Variants in PARVB observed in about 807,000 individuals in gnomAD.
PARVB encodes parvin beta.
Under a neutral mutation model 47.0 loss-of-function variants are expected in PARVB, and 46 were observed. The observed-to-expected ratio is 0.98, with a 90% CI of 0.77 to 1.25. PARVB has a LOEUF of 1.25. PARVB is among the 50% of genes most tolerant of loss of function. PARVB has a pLI of 0.00. For synonymous variants in PARVB, 196 were observed against 196.3 expected (o/e 1.00, Z 0.01); for missense variants, 473 against 471.6 (o/e 1.00, Z -0.03).
At chr22:44,122,017 TAACTG>T (rs1205943980) in intron 4 of PARVB, among the ~76,000 whole-genome samples, 1 of 152,378 alleles carries the variant, frequency 6.6e-6, no homozygotes, top group East Asian at 1.9e-4. Flanking sequence ...GTTCAGAACT[TAACTG>T]AATTATTTTC....
intron 1 of PARVB, chr22:44,086,970 T>A: frequency 3.6e-6 from 1 of 275,068 alleles, no homozygotes; most frequent in Non-Finnish European, 5.5e-6. Context: ...GAGGAGCTGG[T>A]GGCGTGAGTT....
intron 1 of PARVB, among the ~76,000 whole-genome samples, chr22:44,050,346 C>T (rs1324539138): frequency 6.7e-6 from 1 of 148,858 alleles, no homozygotes; most frequent in East Asian, 1.9e-4. Context: ...CCCCTTTCGG[C>T]CTTTTTTTTT....
At chr22:44,120,379 TTCTG>T (rs1221627568) in intron 4 of PARVB, among the ~76,000 whole-genome samples, 1 of 152,256 alleles carries the variant, frequency 6.6e-6, no homozygotes, top group African/African-American at 2.4e-5. Flanking sequence ...CTCCGTTCTG[TTCTG>T]TCTTTCTGTC....
At chr22:44,028,130 T>C (rs2050763264) in intron 1 of PARVB, among the ~76,000 whole-genome samples, 2 of 151,882 alleles carry the variant, frequency 1.3e-5, no homozygotes, top group African/African-American at 4.8e-5. Context: ...CGCAAGCTCA[T>C]AGTTTACATT....
intron 6 of PARVB, among the ~76,000 whole-genome samples, chr22:44,135,552 C>T (rs964646570): frequency 7.2e-5 from 11 of 152,164 alleles, no homozygotes; most frequent in African/African-American, 1.7e-4. Context: ...CCACTGTGCC[C>T]GGCCATCATT....
rs1039737475 is a variant in PARVB, at chr22:44,101,225, C to T, written c.273+1102C>T. On this transcript the variant is annotated intron_variant, in intron 3 of 12. Coordinates refer to ENST00000338758, the MANE Select transcript of PARVB (RefSeq NM_013327.5). ...GAGATCGAGACCATCCTGGCTAACACGGTGAAACCCCGTCTCTACTAAAAA... is the reference window on the plus strand; with the variant it reads ...GAGATCGAGACCATCCTGGCTAACATGGTGAAACCCCGTCTCTACTAAAAA... Among the ~76,000 whole-genome samples the T allele has an allele frequency of 7.9e-5, 12 of 151,306 alleles. No homozygotes were observed. In the South Asian group the frequency reaches 1.3e-3, roughly 16 times the overall value.
chr22:44,108,995 TG>T (rs1464061742), intron 3 of PARVB: 1 of 152,208 alleles, frequency 6.6e-6, no homozygotes, highest in Admixed American at 6.5e-5. Context: ...GCATGTCATC[TG>T]GGGGTGCGTC....
intron 1 of PARVB, among the ~76,000 whole-genome samples, chr22:44,078,740 T>C (rs1000398612): frequency 1.3e-5 from 2 of 152,056 alleles, no homozygotes; most frequent in South Asian, 2.1e-4. Context: ...TATTTATTTA[T>C]TTAAGATGGA....
chr22:44,100,021 C>T (rs762234742), intron 2 of PARVB, 32 bp from the exon 3 acceptor site: 42 of 1,595,638 alleles, frequency 2.6e-5, no homozygotes, highest in Admixed American at 6.7e-5. Flanking sequence ...CCCCCACAAT[C>T]GCTGACCGTG....
At chr22:44,121,684 G>A (rs1438707132) in intron 4 of PARVB, among the ~76,000 whole-genome samples, 3 of 152,116 alleles carry the variant, frequency 2.0e-5, no homozygotes, top group Non-Finnish European at 4.4e-5. Context: ...GGCTCCTGGG[G>A]TGTCATTGCT....
intron 2 of PARVB, among the ~76,000 whole-genome samples, chr22:44,004,636 A>G (rs1404074960): frequency 6.6e-6 from 1 of 152,196 alleles, no homozygotes; most frequent in Admixed American, 6.5e-5. Flanking sequence ...TTGCTTCTGT[A>G]ACTTGCTTCC....
chr22:44,015,180 T>C lies in PARVB; in HGVS notation c.211+15507T>C, dbSNP rs1451072254. On this transcript the variant is annotated intron_variant, in intron 2 of 13. Coordinates refer to the PARVB transcript ENST00000406477. ...CACAGCAATTAAAAAAAAAAAAAAG[T>C]TCTAACCTGCATTTAATAATGATAC... Among the ~76,000 whole-genome samples the C allele has an allele frequency of 2.1e-5, 3 of 146,026 alleles. No individual in the cohort carries two copies. In the East Asian group the frequency reaches 6.1e-4, roughly 30 times the overall value.
Position 44,103,561 on chromosome 22 carries a change from G to A in PARVB, c.273+3438G>A, listed in dbSNP as rs1343535048. 2 of 152,248 alleles carry A rather than the reference G, an allele frequency of 1.3e-5. No individual in the cohort carries two copies. The highest frequency in any genetic ancestry group is 2.9e-5 in the Non-Finnish European group (2 of 68,056). 9.4% of individuals were successfully genotyped at this position (152,248 alleles called of 1,614,324 possible). A position where few individuals can be genotyped will look rare whatever the true frequency, so the allele number is the denominator to read the frequency against. On this transcript the variant is annotated intron_variant, in intron 3 of 12. Coordinates refer to ENST00000338758, the MANE Select transcript of PARVB (RefSeq NM_013327.5). The surrounding 1 kb of genome is among the most constrained non-coding windows in gnomAD (Gnocchi z 4.6). ...TCATGGTCCCCAAAGATGACCATGTGATAATCCCTGGAGCCATTGACTATC... is the reference window on the plus strand; with the variant it reads ...TCATGGTCCCCAAAGATGACCATGTAATAATCCCTGGAGCCATTGACTATC...
At chr22:44,029,595 G>C (rs1008971796) in intron 1 of PARVB, among the ~76,000 whole-genome samples, 2 of 152,018 alleles carry the variant, frequency 1.3e-5, no homozygotes, top group Non-Finnish European at 2.9e-5. Context: ...GGCCAACGTG[G>C]GGAAACCCGG....
In PARVB at chr22:44,024,422, C is replaced by T; in HGVS notation, c.83C>T (p.Thr28Ile). Reference protein sequence around the residue: ...DESFLGKLGGTLARKRRAREV... With the variant: ...DESFLGKLGGILARKRRAREV... ...TCGTTCCTGGGCAAGCTGGGCGGCACCCTGGCCAGGAAGCGGAGGGCGCGC... is the reference window on the plus strand; with the variant it reads ...TCGTTCCTGGGCAAGCTGGGCGGCATCCTGGCCAGGAAGCGGAGGGCGCGC... The change falls in exon 1 of 13, where the codon ACC becomes ATC. Residue 28 changes from threonine to isoleucine, a missense_variant. By Grantham distance (89) the Thr-to-Ile change is moderately conservative. Coordinates refer to ENST00000338758, the MANE Select transcript of PARVB (RefSeq NM_013327.5). 1 of 1,240,998 alleles carries T rather than the reference C, an allele frequency of 8.1e-7. No individual in the cohort carries two copies. The highest frequency in any genetic ancestry group is 1.0e-6 in the Non-Finnish European group (1 of 980,192). The allele number at this position is 1,240,998 out of a possible 1,614,324, so 76.9% of individuals were successfully genotyped here. A position where few individuals can be genotyped will look rare whatever the true frequency, so the allele number is the denominator to read the frequency against.
intron 7 of PARVB, chr22:44,139,887 G>A (rs750424261): frequency 2.0e-4 from 113 of 556,818 alleles, no homozygotes; most frequent in Non-Finnish European, 3.2e-4. Context: ...AATAGAGATG[G>A]TGATTTGCTG....
chr22:44,010,889 ATTTTTTT>A (rs1184137879), intron 2 of PARVB, among the ~76,000 whole-genome samples: 2 of 129,738 alleles, frequency 1.5e-5, no homozygotes, highest in African/African-American at 2.9e-5. Context: ...CACCATGCCT[ATTTTTTT>A]TTTTTTTTTT....
rs997878093 is a variant in PARVB, at chr22:44,155,530, C to G, written c.844-2452C>G. ...CGGAAGGAAGAAAAGACTCAGCAGGCTCAGGGCCTGCGGGAGCAGCGGCGT... is the reference window on the plus strand; with the variant it reads ...CGGAAGGAAGAAAAGACTCAGCAGGGTCAGGGCCTGCGGGAGCAGCGGCGT... On this transcript the variant is annotated intron_variant, in intron 10 of 12. Coordinates refer to ENST00000338758, the MANE Select transcript of PARVB (RefSeq NM_013327.5). This position sits in a 1 kb window ranked among gnomAD's most constrained non-coding sequence, Gnocchi z 4.8. Among the ~76,000 whole-genome samples the G allele has an allele frequency of 4.6e-5, 7 of 152,194 alleles. No individual in the cohort carries two copies. The highest frequency in any genetic ancestry group is 7.3e-5 in the Non-Finnish European group (5 of 68,036).
chr22:44,128,817 C>T (rs1337182938), intron 4 of PARVB, among the ~76,000 whole-genome samples: 2 of 152,208 alleles, frequency 1.3e-5, no homozygotes, highest in African/African-American at 4.8e-5. Flanking sequence ...ATGGCTCACA[C>T]CTGTAATCCC....
Sources: allele counts gnomAD v4.1 joint callset (sites outside exome capture counted in the v4.1 genomes callset), GRCh38; gene constraint gnomAD v4.1.1; non-coding constraint Gnocchi (gnomAD v3.1); transcripts MANE v1.5; gene names NCBI Gene and HGNC (gene_info 2026-07-23, HGNC 2026-07-21).